The following ITGA9 variants were observed in gnomAD, a reference collection of about 807,000 sequenced individuals.
The protein encoded by ITGA9 is integrin alpha-9.
ITGA9 carries 56 observed loss-of-function variants against 127.8 expected under a neutral mutation model. The ratio of observed to expected loss-of-function variants is 0.44; its 90% confidence interval spans 0.35 to 0.55. The LOEUF (loss-of-function observed/expected upper bound fraction) is 0.55, where lower values mean the gene tolerates loss of function less well. Ranked by LOEUF, ITGA9 falls within the 20% of genes least tolerant of loss-of-function variation. The pLI, the probability that ITGA9 is intolerant of heterozygous loss-of-function variation, is 0.00. For missense variants in ITGA9, 1,196 were observed against 1,347.1 expected (o/e 0.89, Z 1.76); for synonymous variants, 508 against 514.5 (o/e 0.99, Z 0.17).
intron 26 of ITGA9, among the ~76,000 whole-genome samples, chr3:37,795,738 C>G (rs1005511449): frequency 2.6e-5 from 4 of 152,214 alleles, no homozygotes; most frequent in East Asian, 3.9e-4. Context: ...GCCACTCCCC[C>G]AAAACCAGCA....
Position 37,564,373 on chromosome 3 carries a change from C to T in ITGA9, c.1689+21788C>T, listed in dbSNP as rs1246078729. Among the ~76,000 whole-genome samples, 4 of 152,158 alleles carry T rather than the reference C, an allele frequency of 2.6e-5. No homozygotes were observed. In the East Asian group the frequency reaches 7.7e-4, roughly 29 times the overall value. ...AAGACCTGTTTCAAGATATGGCAAG[C>T]CCTAGTTCTGATCTCTGGGGTCCTC... is the stretch of plus-strand genomic sequence containing the variant. On this transcript the variant is annotated intron_variant, in intron 15 of 27. Transcript: ENST00000264741.
intron 15 of ITGA9, among the ~76,000 whole-genome samples, chr3:37,558,501 A>T (rs2125598372): frequency 6.6e-6 from 1 of 152,244 alleles, no homozygotes; most frequent in Non-Finnish European, 1.5e-5. Context: ...TTCTACACAC[A>T]TCAGTGATGT....
chr3:37,512,150 T>C (rs1265922890), intron 8 of ITGA9, among the ~76,000 whole-genome samples: 1 of 19,124 alleles, frequency 5.2e-5, no homozygotes, highest in Non-Finnish European at 9.7e-5. Flanking sequence ...TTTTCTTTTC[T>C]TTTCTTTTCT....
chr3:37,549,448 A>G lies in ITGA9; in HGVS notation c.1689+6863A>G, dbSNP rs138840644. 5.9e-3 allele frequency among the ~76,000 whole-genome samples: 899 copies of G among 152,366 alleles called. 5 individuals carry two copies. Among genetic ancestry groups the G allele is most frequent in the South Asian group, 0.012 (56 of 4,822 alleles). On this transcript the variant is annotated intron_variant, in intron 15 of 27. Coordinates refer to ENST00000264741, the MANE Select transcript of ITGA9 (RefSeq NM_002207.3). ...CAGTGGTTATCGTAAGCTTATTTGTACAGTATGTGAGATGCAGTTTGTAGC... is the reference window on the plus strand; with the variant it reads ...CAGTGGTTATCGTAAGCTTATTTGTGCAGTATGTGAGATGCAGTTTGTAGC...
At position 37,629,087 on chromosome 3, in the gene ITGA9, T is replaced by TA; in HGVS notation, c.1690-99dup. On this transcript the variant is annotated intron_variant, in intron 15 of 27. Coordinates refer to ENST00000264741, the MANE Select transcript of ITGA9 (RefSeq NM_002207.3). This position sits in a 1 kb window ranked among gnomAD's most constrained non-coding sequence, Gnocchi z 4.5. ...CTCACGAGGGTGATTGTGAGGATTATATGAGGCAATTCATGTAGAAGGTCT... is the reference window on the plus strand; with the variant it reads ...CTCACGAGGGTGATTGTGAGGATTATAATGAGGCAATTCATGTAGAAGGTCT... 1 of 1,357,562 alleles carries TA rather than the reference T, an allele frequency of 7.4e-7. No homozygotes were observed. Among genetic ancestry groups the TA allele is most frequent in the Non-Finnish European group, 1.1e-6 (1 of 950,288 alleles). The allele number at this position is 1,357,562 out of a possible 1,614,324, so 84.1% of individuals were successfully genotyped here.
At chr3:37,748,596 A>C in intron 22 of ITGA9, 1 of 476,212 alleles carries the variant, frequency 2.1e-6, no homozygotes, top group African/African-American at 2.0e-5. Context: ...AAAATACAAA[A>C]ATTAGCCGGG....
chr3:37,636,078 G>A (rs888615086), intron 16 of ITGA9, among the ~76,000 whole-genome samples: 3 of 151,890 alleles, frequency 2.0e-5, no homozygotes, highest in African/African-American at 7.3e-5. Flanking sequence ...TGTGAATAGT[G>A]CTGCTATAAA....
At chr3:37,590,185 A>T (rs915450131) in intron 15 of ITGA9, among the ~76,000 whole-genome samples, 11 of 152,268 alleles carry the variant, frequency 7.2e-5, no homozygotes, top group African/African-American at 2.4e-4. Flanking sequence ...TTCATTTCTG[A>T]AAAAGCAGGT....
At chr3:37,682,671 C>G (rs1700745087) in intron 17 of ITGA9, among the ~76,000 whole-genome samples, 1 of 152,202 alleles carries the variant, frequency 6.6e-6, no homozygotes, top group African/African-American at 2.4e-5. Context: ...TGGATTTTCT[C>G]TGCTGAACCT....
At chr3:37,464,118 T>A (rs1244938183) in intron 1 of ITGA9, among the ~76,000 whole-genome samples, 11 of 64,788 alleles carry the variant, frequency 1.7e-4, no homozygotes, top group East Asian at 7.8e-4. Flanking sequence ...AAGGTGTGAG[T>A]GTGTGTGTGT....
At chr3:37,613,187 C>A (rs1446614277) in intron 15 of ITGA9, among the ~76,000 whole-genome samples, 1 of 136,146 alleles carries the variant, frequency 7.3e-6, no homozygotes, top group East Asian at 2.4e-4. Context: ...TTGTTCAATT[C>A]CCACATATGA....
At chr3:37,664,152 C>A (rs984312588) in intron 17 of ITGA9, among the ~76,000 whole-genome samples, 14 of 152,164 alleles carry the variant, frequency 9.2e-5, no homozygotes, top group African/African-American at 2.9e-4. Flanking sequence ...CTTCTGTTGT[C>A]TCTGGGTTCA....
intron 13 of ITGA9, among the ~76,000 whole-genome samples, chr3:37,530,181 C>T (rs1439610372): frequency 6.6e-6 from 1 of 152,202 alleles, no homozygotes; most frequent in Non-Finnish European, 1.5e-5. Flanking sequence ...TCTGCAGGGG[C>T]AGCCGTTGAT....
intron 26 of ITGA9, chr3:37,790,195 G>A: frequency 1.8e-6 from 1 of 567,484 alleles, no homozygotes. Context: ...ATGTGTTTCA[G>A]CAGCTTTTAC....
At chr3:37,609,202 G>A (rs572334388) in intron 15 of ITGA9, among the ~76,000 whole-genome samples, 1 of 152,182 alleles carries the variant, frequency 6.6e-6, no homozygotes, top group Non-Finnish European at 1.5e-5. Flanking sequence ...CTCATCTGCT[G>A]CCCCTCACAC....
chr3:37,512,008 CTTTTCTTTTCT>C (rs1698914580), intron 8 of ITGA9, among the ~76,000 whole-genome samples: 1 of 33,202 alleles, frequency 3.0e-5, no homozygotes, highest in Non-Finnish European at 7.9e-5. Context: ...CTTTTCTTTT[CTTTTCTTTTCT>C]TTTCTTTTCT....
intron 8 of ITGA9, among the ~76,000 whole-genome samples, chr3:37,512,124 CTTTTCTTTTCTTTTCTT>C (rs1295096570): frequency 2.0e-4 from 3 of 15,330 alleles, no homozygotes; most frequent in African/African-American, 6.9e-4. Flanking sequence ...TTCCTTCTTT[CTTTTCTTTTCTTTTCTT>C]TTCTTTTCTT....
chr3:37,604,012 A>T (rs1699945394), intron 15 of ITGA9, among the ~76,000 whole-genome samples: 1 of 152,206 alleles, frequency 6.6e-6, no homozygotes, highest in Non-Finnish European at 1.5e-5. Context: ...ATGGAACTGA[A>T]AAGCAGGCTA....
intron 16 of ITGA9, among the ~76,000 whole-genome samples, chr3:37,650,403 G>C (rs116285533): frequency 0.025 from 3,831 of 152,064 alleles, 162 homozygotes; most frequent in African/African-American, 0.087. Context: ...TCAATTCTTT[G>C]TCTCCTTATT....
Sources: allele counts gnomAD v4.1 joint callset (sites outside exome capture counted in the v4.1 genomes callset), GRCh38; gene constraint gnomAD v4.1.1; non-coding constraint Gnocchi (gnomAD v3.1); transcripts MANE v1.5; gene names NCBI Gene and HGNC (gene_info 2026-07-23, HGNC 2026-07-21).